GPD2: variants seen among roughly 807,000 people sequenced by gnomAD.
GPD2 encodes the protein glycerol-3-phosphate dehydrogenase, mitochondrial.
In GPD2, 54 loss-of-function variants were observed where a neutral mutation model predicts 82.4. The observed-to-expected ratio is 0.66, with a 90% CI of 0.53 to 0.82. GPD2 has a LOEUF of 0.82. Ranked by LOEUF, GPD2 falls within the 40% of genes least tolerant of loss-of-function variation. The pLI, the probability that GPD2 is intolerant of heterozygous loss-of-function variation, is 0.00. For synonymous variants in GPD2, 288 were observed against 306.1 expected (o/e 0.94, Z 0.62); for missense variants, 748 against 896.2 (o/e 0.83, Z 2.11).
chr2:156,413,704 A>G, the GPD2 span, among the ~76,000 whole-genome samples: 1 of 152,140 alleles, frequency 6.6e-6, no homozygotes, highest in East Asian at 1.9e-4. Flanking sequence ...CGGGAGTCCA[A>G]GACCAGCCTG....
rs1558972185 is a variant in GPD2, at chr2:156,579,054, A to G, written c.1881-32A>G. 4.5e-6 allele frequency: 7 copies of G among 1,562,982 alleles called. 1 individual carries two copies. The highest frequency in any genetic ancestry group is 2.2e-5 in the East Asian group (1 of 44,516). On this transcript the variant is annotated intron_variant, in intron 14 of 16. Transcript: ENST00000438166. Reference sequence around the variant, plus strand: ...CTCTTTTTTTTTGGCCTATGTAAGTATATTTTTCCATTATTTAATCTTGTG... The same window carrying G: ...CTCTTTTTTTTTGGCCTATGTAAGTGTATTTTTCCATTATTTAATCTTGTG...
intron 9 of GPD2, among the ~76,000 whole-genome samples, chr2:156,566,829 A>G (rs867138649): frequency 6.6e-6 from 1 of 152,108 alleles, no homozygotes; most frequent in African/African-American, 2.4e-5. Context: ...AGCAGTGTAC[A>G]GGGGGTTCAG....
At chr2:156,538,076 C>T (rs961802810) in intron 6 of GPD2, among the ~76,000 whole-genome samples, 1 of 152,126 alleles carries the variant, frequency 6.6e-6, no homozygotes, top group East Asian at 1.9e-4. Flanking sequence ...TATAAACTTT[C>T]TTTTCATGTC....
At chr2:156,420,403 C>T in the GPD2 span, among the ~76,000 whole-genome samples, 1 of 152,094 alleles carries the variant, frequency 6.6e-6, no homozygotes, top group Admixed American at 6.5e-5. Flanking sequence ...AATCTCCTGA[C>T]CTCATGATCA....
chr2:156,575,402 C>CTTTTTTTTTTTTTTTTTTTT (rs35297244), intron 13 of GPD2, among the ~76,000 whole-genome samples: 2 of 91,172 alleles, frequency 2.2e-5, no homozygotes, highest in Non-Finnish European at 4.6e-5. Flanking sequence ...CTTTTCTTTT[C>CTTTTTTTTTTTTTTTTTTTT]TTTTTTTTTT....
In GPD2 at chr2:156,550,717, T is replaced by C. The variant is rs781050126; in HGVS notation, c.942T>C (p.Gly314=). The change falls in exon 8 of 17, where the codon GGT becomes GGC. Residue 314 remains glycine, a synonymous_variant. Coordinates refer to ENST00000438166, the MANE Select transcript of GPD2 (RefSeq NM_000408.5). ...DAAAICQPSA[G]VHIVMPGYYS... The stretch of plus-strand genomic sequence containing the variant: ...CAGCTATCTGCCAGCCAAGTGCTGG[T>C]GTCCATATTGTGATGCCTGGTTATT... 17 of 1,613,704 alleles carry C rather than the reference T, an allele frequency of 1.1e-5. No homozygotes were observed. Among genetic ancestry groups the C allele is most frequent in the Non-Finnish European group, 1.4e-5 (16 of 1,179,770 alleles).
chr2:156,422,478 C>A, the GPD2 span, among the ~76,000 whole-genome samples: 25 of 151,932 alleles, frequency 1.6e-4, no homozygotes, highest in African/African-American at 5.8e-4. Flanking sequence ...CTCCTGTAAT[C>A]CCAGCACTTT....
the GPD2 span, among the ~76,000 whole-genome samples, chr2:156,429,831 C>G: frequency 6.6e-6 from 1 of 152,126 alleles, no homozygotes; most frequent in South Asian, 2.1e-4. Flanking sequence ...TGGAGATCTA[C>G]CAAATGAGCT....
intron 1 of GPD2, among the ~76,000 whole-genome samples, chr2:156,437,846 A>G (rs577837596): frequency 9.9e-5 from 15 of 152,284 alleles, no homozygotes; most frequent in Admixed American, 2.6e-4. Context: ...AGTGAGTGTT[A>G]CCACCCCCTT....
intron 3 of GPD2, among the ~76,000 whole-genome samples, chr2:156,506,136 T>C (rs1684779188): frequency 6.6e-6 from 1 of 152,238 alleles, no homozygotes; most frequent in Admixed American, 6.5e-5. Flanking sequence ...TTAAAACATT[T>C]AGCATATAAT....
intron 12 of GPD2, 34 bp from the exon 13 acceptor site, chr2:156,571,100 C>T: frequency 7.4e-7 from 1 of 1,359,072 alleles, no homozygotes; most frequent in African/African-American, 1.4e-5. Context: ...AAAGAAGAGT[C>T]TCAACTAATA....
chr2:156,571,439 A>G, intron 13 of GPD2, 147 bp downstream of exon 13: 1 of 454,580 alleles, frequency 2.2e-6, no homozygotes, highest in Non-Finnish European at 3.9e-6. Flanking sequence ...GTTAGGCCTT[A>G]GGAAAATGGA....
At chr2:156,456,994 A>C (rs1281132448) in intron 1 of GPD2, among the ~76,000 whole-genome samples, 1 of 152,172 alleles carries the variant, frequency 6.6e-6, no homozygotes. Flanking sequence ...ACAAAGATGC[A>C]GTGTATGCTT....
intron 11 of GPD2, 30 bp downstream of exon 11, chr2:156,569,568 C>T: frequency 5.2e-6 from 8 of 1,543,054 alleles, no homozygotes; most frequent in Non-Finnish European, 7.2e-6. Context: ...TCATCTTACT[C>T]TTTACCTAAT....
the GPD2 span, among the ~76,000 whole-genome samples, chr2:156,415,729 C>T: frequency 1.3e-5 from 2 of 152,078 alleles, no homozygotes; most frequent in South Asian, 2.1e-4. Flanking sequence ...GTGGCACATG[C>T]TTATAATCCC....
intron 3 of GPD2, among the ~76,000 whole-genome samples, chr2:156,510,532 C>T (rs1387265277): frequency 6.6e-6 from 1 of 152,206 alleles, no homozygotes; most frequent in South Asian, 2.1e-4. Flanking sequence ...GAGTATGTTA[C>T]TGCCATGAAA....
intron 1 of GPD2, among the ~76,000 whole-genome samples, chr2:156,438,378 C>T (rs912234324): frequency 6.6e-6 from 1 of 152,090 alleles, no homozygotes; most frequent in African/African-American, 2.4e-5. Flanking sequence ...TATATTTTTC[C>T]TTCTTATACT....
intron 1 of GPD2, among the ~76,000 whole-genome samples, chr2:156,453,858 C>CA (rs1279054067): frequency 1.1e-4 from 17 of 152,062 alleles, no homozygotes; most frequent in Admixed American, 1.1e-3. Flanking sequence ...GCCTGGGTGA[C>CA]AGAGTGAGAC....
intron 1 of GPD2, among the ~76,000 whole-genome samples, chr2:156,441,895 G>A (rs1327956188): frequency 6.6e-6 from 1 of 152,142 alleles, no homozygotes. Flanking sequence ...AGAGGAATAA[G>A]TTTTCTTTAC....
Sources: allele counts gnomAD v4.1 joint callset (sites outside exome capture counted in the v4.1 genomes callset), GRCh38; gene constraint gnomAD v4.1.1; transcripts MANE v1.5; gene names NCBI Gene and HGNC (gene_info 2026-07-23, HGNC 2026-07-21).